EFL1: variants seen among roughly 807,000 people sequenced by gnomAD.
EFL1 encodes the protein elongation factor-like GTPase 1.
Under a neutral mutation model 126.7 loss-of-function variants are expected in EFL1, and 76 were observed. The observed-to-expected ratio is 0.60, with a 90% CI of 0.50 to 0.73. The LOEUF is 0.73. EFL1 is among the 30% of genes least tolerant of loss of function. The pLI is 0.00. For missense variants in EFL1, 1,128 were observed against 1,343.2 expected (o/e 0.84, Z 2.50); for synonymous variants, 410 against 448.4 (o/e 0.91, Z 1.08).
chr15:82,259,731 G>T (rs1308343155), intron 2 of EFL1, among the ~76,000 whole-genome samples: 3 of 152,298 alleles, frequency 2.0e-5, no homozygotes, highest in Non-Finnish European at 2.9e-5. Context: ...GTGATTCTGT[G>T]TAAAGAATGT....
At chr15:82,147,892 G>A (rs1427149835) in intron 18 of EFL1, among the ~76,000 whole-genome samples, 4 of 152,132 alleles carry the variant, frequency 2.6e-5, no homozygotes, top group Admixed American at 2.0e-4. Context: ...TCAGTAGCAT[G>A]TCCAAGATGC....
At chr15:82,239,859 C>A (rs1191385852) in intron 6 of EFL1, among the ~76,000 whole-genome samples, 1 of 152,152 alleles carries the variant, frequency 6.6e-6, no homozygotes, top group South Asian at 2.1e-4. Context: ...TCCCTCTTGA[C>A]CCAGACTGGG....
intron 19 of EFL1, among the ~76,000 whole-genome samples, chr15:82,134,088 G>A (rs534316808): frequency 7.6e-4 from 116 of 152,292 alleles, no homozygotes; most frequent in African/African-American, 2.7e-3. Flanking sequence ...TCTTCTATTT[G>A]TAAGGATGGA....
At chr15:82,204,824 C>T (rs1196386691) in intron 15 of EFL1, among the ~76,000 whole-genome samples, 5 of 152,218 alleles carry the variant, frequency 3.3e-5, no homozygotes, top group Non-Finnish European at 5.9e-5. Context: ...CCAGTGTTGG[C>T]ATGACAACTA....
chr15:82,202,761 T>G (rs1405123263), intron 15 of EFL1, among the ~76,000 whole-genome samples: 1 of 152,158 alleles, frequency 6.6e-6, no homozygotes, highest in Non-Finnish European at 1.5e-5. Flanking sequence ...ATGGGATAAA[T>G]TCTACAAGAC....
chr15:82,155,799 T>C (rs1314075553), intron 17 of EFL1, among the ~76,000 whole-genome samples: 1 of 152,282 alleles, frequency 6.6e-6, no homozygotes, highest in African/African-American at 2.4e-5. Context: ...TATCTCACTT[T>C]GATTTTAATT....
At chr15:82,155,617 AG>A (rs1229053125) in intron 17 of EFL1, among the ~76,000 whole-genome samples, 1 of 152,262 alleles carries the variant, frequency 6.6e-6, no homozygotes, top group Non-Finnish European at 1.5e-5. Flanking sequence ...GCCAAGCCAC[AG>A]GAAGTGCCTA....
intron 7 of EFL1, among the ~76,000 whole-genome samples, chr15:82,232,102 G>A (rs543607834): frequency 1.1e-4 from 17 of 152,112 alleles, no homozygotes; most frequent in Non-Finnish European, 1.8e-4. Context: ...GGACCTACAG[G>A]CAGGTCCAAG....
At chr15:82,181,218 G>T (rs2074248417) in intron 15 of EFL1, among the ~76,000 whole-genome samples, 1 of 152,090 alleles carries the variant, frequency 6.6e-6, no homozygotes, top group African/African-American at 2.4e-5. Context: ...TCAATATATG[G>T]TTTTTCCTAA....
chr15:82,175,561 T>C (rs889966201), intron 15 of EFL1, among the ~76,000 whole-genome samples: 5 of 152,218 alleles, frequency 3.3e-5, no homozygotes, highest in Admixed American at 2.6e-4. Flanking sequence ...ACAGTAGTTA[T>C]GGGTTTTAAT....
chr15:82,227,688 G>A lies in EFL1; in HGVS notation c.1070-116C>T, dbSNP rs1435386216. 30 of 1,386,708 alleles carry A rather than the reference G, an allele frequency of 2.2e-5. 1 individual carries two copies. In the South Asian group the frequency reaches 3.6e-4, roughly 17 times the overall value. The allele number at this position is 1,386,708 out of a possible 1,614,324, so 85.9% of individuals were successfully genotyped here. A position where few individuals can be genotyped will look rare whatever the true frequency, so the allele number is the denominator to read the frequency against. On this transcript the variant is annotated intron_variant, in intron 10 of 19. Transcript: ENST00000268206. Reference sequence around the variant, plus strand: ...AAGTCTGTCCATACAGAAAATGCCTGTGCTACAAGGCAACACTGCTTTATG... The same window carrying A: ...AAGTCTGTCCATACAGAAAATGCCTATGCTACAAGGCAACACTGCTTTATG...
At chr15:82,238,782 G>C (rs556877288) in intron 6 of EFL1, among the ~76,000 whole-genome samples, 39 of 152,252 alleles carry the variant, frequency 2.6e-4, no homozygotes, top group African/African-American at 9.2e-4. Context: ...ATGTTAATGT[G>C]TCATATCCTT....
At position 82,138,854 on chromosome 15, in the gene EFL1, T is replaced by C. The variant is rs1230105489; in HGVS notation, c.2990-12A>G. On this transcript the variant is annotated splice_polypyrimidine_tract_variant and intron_variant, in intron 18 of 19. Coordinates refer to ENST00000268206, the MANE Select transcript of EFL1 (RefSeq NM_024580.6). ...AGCATAGACTCGACCTGTAAAACCA[T>C]AAATCTTTTAAAATCATGGATCAAT... is the stretch of plus-strand genomic sequence containing the variant. 5.6e-6 allele frequency: 9 copies of C among 1,607,936 alleles called. No individual in the cohort carries two copies. Among genetic ancestry groups the C allele is most frequent in the Middle Eastern group, 3.3e-4 (2 of 6,036 alleles).
At chr15:82,213,375 G>A (rs760466452) in intron 15 of EFL1, among the ~76,000 whole-genome samples, 10 of 152,120 alleles carry the variant, frequency 6.6e-5, no homozygotes, top group Admixed American at 2.6e-4. Context: ...TTGTCTCCCC[G>A]TACCATATGG....
At chr15:82,208,225 G>A in intron 15 of EFL1, among the ~76,000 whole-genome samples, 1 of 152,172 alleles carries the variant, frequency 6.6e-6, no homozygotes. Context: ...AAAGAATCAA[G>A]TATTTTATGC....
intron 7 of EFL1, 131 bp from the exon 8 acceptor site, chr15:82,231,102 C>A: frequency 9.1e-7 from 1 of 1,097,558 alleles, no homozygotes. Flanking sequence ...CCTCATTTTA[C>A]AGAAAAGGGT....
chr15:82,150,171 CTA>C (rs1217508585), intron 18 of EFL1, among the ~76,000 whole-genome samples: 2 of 152,254 alleles, frequency 1.3e-5, no homozygotes, highest in African/African-American at 4.8e-5. Context: ...CTTAACCCAG[CTA>C]TTTTTCAAAT....
chr15:82,151,659 T>C lies in EFL1; in HGVS notation c.2795A>G (p.Asp932Gly), dbSNP rs767964929. ...CTTCTCAAAGGCCTCAGAGCAGCCA[T>C]CTTGTAGCTCTTGGTTTTCATTTCC... The part of the protein sequence containing the change: ...SGGNENQELQ[D>G]GCSEAFEKRT... The change falls in exon 18 of 20, where the codon GAT becomes GGT. Residue 932 changes from aspartate to glycine, a missense_variant. Asp to Gly is a moderately conservative substitution (Grantham distance 94). Coordinates refer to ENST00000268206, the MANE Select transcript of EFL1 (RefSeq NM_024580.6). 16 of 1,614,174 alleles carry C rather than the reference T, an allele frequency of 9.9e-6. No individual in the cohort carries two copies. The highest frequency in any genetic ancestry group is 4.5e-5 in the East Asian group (2 of 44,878).
intron 10 of EFL1, 132 bp from the exon 11 acceptor site, chr15:82,227,704 C>A: frequency 8.5e-7 from 1 of 1,179,382 alleles, no homozygotes; most frequent in Non-Finnish European, 1.2e-6. Flanking sequence ...CAAGGCAACA[C>A]TGCTTTATGC....
Sources: allele counts gnomAD v4.1 joint callset (sites outside exome capture counted in the v4.1 genomes callset), GRCh38; gene constraint gnomAD v4.1.1; transcripts MANE v1.5; gene names NCBI Gene and HGNC (gene_info 2026-07-23, HGNC 2026-07-21).